Variants in DENND4C observed in about 807,000 individuals in gnomAD.
DENND4C encodes the protein DENN domain containing 4C.
In DENND4C, 108 loss-of-function variants were observed where a neutral mutation model predicts 203.0. That is an observed-to-expected ratio of 0.53 (90% confidence interval 0.46 to 0.62). DENND4C has a LOEUF of 0.62. Among genes scored for constraint, DENND4C ranks in the 20% least tolerant of loss-of-function variants. The pLI, the probability that DENND4C is intolerant of heterozygous loss-of-function variation, is 0.00. For missense variants in DENND4C, 2,481 were observed against 2,301.2 expected (o/e 1.08, Z -1.60); for synonymous variants, 871 against 792.4 (o/e 1.10, Z -1.67).
chr9:19,296,324 C>G, intron 6 of DENND4C, 78 bp downstream of exon 6: 1 of 1,023,234 alleles, frequency 9.8e-7, no homozygotes, highest in South Asian at 1.7e-5. Context: ...TAATTTTTAG[C>G]AGCAAAGTTG....
At chr9:19,309,309 C>A (rs1285952095) in intron 10 of DENND4C, among the ~76,000 whole-genome samples, 4 of 151,724 alleles carry the variant, frequency 2.6e-5, no homozygotes. Flanking sequence ...GTAATCCCAG[C>A]TATCCGGGAG....
At chr9:19,268,604 T>G (rs1289261285) in intron 1 of DENND4C, among the ~76,000 whole-genome samples, 1 of 152,240 alleles carries the variant, frequency 6.6e-6, no homozygotes, top group East Asian at 1.9e-4. Flanking sequence ...TAGTATTTCC[T>G]GTAGGACAGG....
rs760574438 is a variant in DENND4C at position 19,341,043 on chromosome 9, A to T, written c.2933A>T (p.Asp978Val). 32 of 1,613,222 alleles carry T rather than the reference A, an allele frequency of 2.0e-5. No homozygotes were observed. The highest frequency in any genetic ancestry group is 4.0e-5 in the African/African-American group (3 of 74,884). ...TCTAAGGATGAACTTATAAAGGATG[A>T]TGCAGAAATTCATGTGCCTGAAGAA... Reference protein sequence around the residue: ...YGSKDELIKDDAEIHVPEEQA... With the variant: ...YGSKDELIKDVAEIHVPEEQA... Residue 978 changes from aspartate (D) to valine (V), a missense_variant, in exon 21 of 33, where the codon GAT (aspartate) becomes GTT (valine). By Grantham distance (152) the Asp-to-Val change is radical. Coordinates refer to ENST00000434457, the MANE Select transcript of DENND4C (RefSeq NM_001330640.2).
chr9:19,282,715 C>CTCTTTTTTTTTTTT (rs758751945), intron 2 of DENND4C, among the ~76,000 whole-genome samples: 3 of 86,638 alleles, frequency 3.5e-5, no homozygotes, highest in South Asian at 5.2e-4. Context: ...TTTCTTCTCT[C>CTCTTTTTTTTTTTT]TTTTTTTTTT....
intron 24 of DENND4C, 49 bp downstream of exon 24, chr9:19,350,928 C>T: frequency 2.4e-6 from 3 of 1,236,130 alleles, no homozygotes; most frequent in East Asian, 5.8e-5. Context: ...ATAGTTTTTG[C>T]TTTTTTTTTT....
chr9:19,295,427 C>T (rs1837236368), intron 5 of DENND4C, among the ~76,000 whole-genome samples: 1 of 151,992 alleles, frequency 6.6e-6, no homozygotes, highest in Admixed American at 6.6e-5. Flanking sequence ...ATGGCGTGAA[C>T]CCAGGAGGTG....
intron 7 of DENND4C, 55 bp downstream of exon 7, chr9:19,298,177 T>TA: frequency 1.4e-6 from 2 of 1,478,026 alleles, no homozygotes; most frequent in South Asian, 2.4e-5. Flanking sequence ...ACCTGAGTCA[T>TA]TGCAGAGTGG....
At chr9:19,262,681 C>G (rs1210324110) in intron 1 of DENND4C, among the ~76,000 whole-genome samples, 2 of 152,074 alleles carry the variant, frequency 1.3e-5, no homozygotes, top group African/African-American at 4.8e-5. Context: ...ATCCATCTGC[C>G]TCGGCCTCCC....
intron 9 of DENND4C, among the ~76,000 whole-genome samples, chr9:19,301,065 C>T (rs1175677924): frequency 1.3e-5 from 2 of 151,994 alleles, no homozygotes; most frequent in Non-Finnish European, 2.9e-5. Flanking sequence ...ATAATCCCAG[C>T]TACTCAGGAG....
intron 20 of DENND4C, among the ~76,000 whole-genome samples, chr9:19,339,755 G>T (rs560400979): frequency 6.6e-6 from 1 of 152,264 alleles, no homozygotes; most frequent in South Asian, 2.1e-4. Flanking sequence ...GCCTGAACCA[G>T]TCATTACTAT....
intron 1 of DENND4C, among the ~76,000 whole-genome samples, chr9:19,248,343 A>T (rs1825757476): frequency 6.6e-6 from 1 of 151,590 alleles, no homozygotes. Context: ...TTGTCATATG[A>T]TTTGCTTGCT....
At chr9:19,305,599 A>G (rs1588883453) in intron 10 of DENND4C, 72 bp downstream of exon 10, 1 of 1,409,750 alleles carries the variant, frequency 7.1e-7, no homozygotes. Flanking sequence ...CTTTGAAAGC[A>G]TCTAGAAATA....
At position 19,351,848 on chromosome 9, in the gene DENND4C, G is replaced by T. The variant is rs1824215404; in HGVS notation, c.4496-225G>T. 4.6e-5 allele frequency among the ~76,000 whole-genome samples: 7 copies of T among 151,160 alleles called. No individual in the cohort carries two copies. The South Asian group carries it at 1.3e-3, about 27-fold the overall frequency. ...AAGAAAAAAAAATTTCAAATGTCCTGAAAGTTGAAAGAATCGTATAATGAA... is the reference window on the plus strand; with the variant it reads ...AAGAAAAAAAAATTTCAAATGTCCTTAAAGTTGAAAGAATCGTATAATGAA... On this transcript the variant is annotated intron_variant, in intron 24 of 32. Coordinates refer to ENST00000434457, the MANE Select transcript of DENND4C (RefSeq NM_001330640.2).
At chr9:19,268,977 A>G (rs1351491285) in intron 1 of DENND4C, among the ~76,000 whole-genome samples, 2 of 151,934 alleles carry the variant, frequency 1.3e-5, no homozygotes, top group South Asian at 2.1e-4. Context: ...ATCTTTCTCT[A>G]TGTTTGGGAA....
At chr9:19,285,070 T>G (rs978500072) in intron 2 of DENND4C, among the ~76,000 whole-genome samples, 40 of 152,268 alleles carry the variant, frequency 2.6e-4, no homozygotes, top group African/African-American at 8.4e-4. Context: ...AGAATTTTAT[T>G]TTTTTCCAAA....
At chr9:19,303,209 C>G (rs980052693) in intron 9 of DENND4C, among the ~76,000 whole-genome samples, 2 of 152,062 alleles carry the variant, frequency 1.3e-5, no homozygotes, top group South Asian at 4.1e-4. Flanking sequence ...TGTTGGTGCT[C>G]AAAAAGTGTT....
chr9:19,320,519 T>A (rs1484228740), intron 12 of DENND4C, among the ~76,000 whole-genome samples: 1 of 152,164 alleles, frequency 6.6e-6, no homozygotes, highest in Admixed American at 6.5e-5. Context: ...AATTCTGGCA[T>A]GTATTTTTTA....
chr9:19,352,215 A>G, intron 25 of DENND4C, 33 bp downstream of exon 25: 1 of 1,557,842 alleles, frequency 6.4e-7, no homozygotes, highest in Non-Finnish European at 8.8e-7. Context: ...ATGATAAAGT[A>G]GCTGTAAGCA....
intron 10 of DENND4C, among the ~76,000 whole-genome samples, chr9:19,306,250 A>T (rs1178345461): frequency 6.6e-6 from 1 of 152,194 alleles, no homozygotes; most frequent in African/African-American, 2.4e-5. Context: ...GTAGAAAATG[A>T]AGAGAGAAAT....
Sources: allele counts gnomAD v4.1 joint callset (sites outside exome capture counted in the v4.1 genomes callset), GRCh38; gene constraint gnomAD v4.1.1; transcripts MANE v1.5; gene names NCBI Gene and HGNC (gene_info 2026-07-23, HGNC 2026-07-21).